The following LSAMP variants were observed in gnomAD, a reference collection of about 807,000 sequenced individuals.
LSAMP encodes limbic system associated membrane protein.
Under a neutral mutation model 38.6 loss-of-function variants are expected in LSAMP, and 7 were observed. The observed-to-expected ratio is 0.18, with a 90% CI of 0.10 to 0.34. The LOEUF is 0.34. Among genes scored for constraint, LSAMP ranks in the 10% least tolerant of loss-of-function variants. The pLI is 1.00. For missense variants in LSAMP, 313 were observed against 420.0 expected (o/e 0.75, Z 2.23); for synonymous variants, 154 against 166.8 (o/e 0.92, Z 0.59).
At chr3:116,053,281 C>A (rs1941429559) in intron 2 of LSAMP, among the ~76,000 whole-genome samples, 1 of 152,176 alleles carries the variant, frequency 6.6e-6, no homozygotes, top group South Asian at 2.1e-4. Context: ...TCAATTAAAT[C>A]ATGGTTATTG....
At chr3:116,322,417 T>A (rs552680359) in intron 1 of LSAMP, among the ~76,000 whole-genome samples, 1 of 152,326 alleles carries the variant, frequency 6.6e-6, no homozygotes, top group East Asian at 1.9e-4. Flanking sequence ...AAACATTTTT[T>A]AAAAATAGAT....
intron 1 of LSAMP, among the ~76,000 whole-genome samples, chr3:116,270,214 AC>A (rs1202103800): frequency 1.3e-5 from 2 of 152,132 alleles, no homozygotes; most frequent in Non-Finnish European, 2.9e-5. Context: ...GTCACCGCAG[AC>A]CCTTTTAGTC....
At chr3:116,026,011 C>G (rs1940783142) in intron 2 of LSAMP, among the ~76,000 whole-genome samples, 1 of 152,108 alleles carries the variant, frequency 6.6e-6, no homozygotes, top group African/African-American at 2.4e-5. Flanking sequence ...CCTCAAACTC[C>G]TGGGCTCAAG....
intron 2 of LSAMP, among the ~76,000 whole-genome samples, chr3:116,049,960 C>G (rs113654765): frequency 6.6e-6 from 1 of 152,126 alleles, no homozygotes; most frequent in Non-Finnish European, 1.5e-5. Flanking sequence ...GGGAATTATT[C>G]TTTTGCTGGA....
intron 1 of LSAMP, among the ~76,000 whole-genome samples, chr3:116,426,606 C>G (rs1477958531): frequency 6.6e-6 from 1 of 151,796 alleles, no homozygotes; most frequent in African/African-American, 2.4e-5. Flanking sequence ...TTAAATTTAC[C>G]AAGTGTAAAG....
intron 3 of LSAMP, among the ~76,000 whole-genome samples, chr3:116,012,195 C>T (rs1017597459): frequency 1.3e-5 from 2 of 152,212 alleles, no homozygotes; most frequent in African/African-American, 4.8e-5. Context: ...CTGCTCATTT[C>T]AACAACTCCA....
intron 2 of LSAMP, among the ~76,000 whole-genome samples, chr3:116,052,370 G>C (rs60614367): frequency 6.6e-6 from 1 of 152,252 alleles, no homozygotes; most frequent in East Asian, 1.9e-4. Flanking sequence ...CAGAAGAAAC[G>C]TTGTATGTGT....
chr3:116,431,579 G>C (rs2049281699), intron 1 of LSAMP, among the ~76,000 whole-genome samples: 1 of 152,022 alleles, frequency 6.6e-6, no homozygotes, highest in Admixed American at 6.6e-5. Context: ...AATAGTGTTT[G>C]TATAATTATG....
At chr3:116,005,045 G>A (rs1006402855) in intron 3 of LSAMP, among the ~76,000 whole-genome samples, 3 of 152,178 alleles carry the variant, frequency 2.0e-5, no homozygotes, top group African/African-American at 7.2e-5. Context: ...AGTAGCAGTA[G>A]TAGTAGTAGT....
intron 3 of LSAMP, among the ~76,000 whole-genome samples, chr3:115,953,701 C>T (rs892388332): frequency 1.3e-5 from 2 of 152,162 alleles, no homozygotes; most frequent in African/African-American, 4.8e-5. Context: ...TTGCAAAATT[C>T]CTCTGCTACA....
chr3:116,187,998 G>T (rs1299296407), intron 1 of LSAMP, among the ~76,000 whole-genome samples: 1 of 151,920 alleles, frequency 6.6e-6, no homozygotes, highest in Non-Finnish European at 1.5e-5. Flanking sequence ...CTGTGTGTCC[G>T]TGTGTTTTCA....
chr3:116,416,242 G>A (rs1178146372), intron 1 of LSAMP, among the ~76,000 whole-genome samples: 2 of 152,136 alleles, frequency 1.3e-5, no homozygotes, highest in East Asian at 3.9e-4. Context: ...CTCTCTCCAA[G>A]ACATGTGTTG....
intron 1 of LSAMP, among the ~76,000 whole-genome samples, chr3:116,212,362 G>C (rs548327705): frequency 2.3e-4 from 35 of 152,244 alleles, no homozygotes; most frequent in African/African-American, 8.2e-4. Context: ...CAATATCATA[G>C]TGTTTCCTGA....
At position 115,810,162 on chromosome 3, in the gene LSAMP, TTTC is replaced by T. The variant is rs1933770048; in HGVS notation, c.*152_*154del. 1 of 593,694 alleles carries T rather than the reference TTTC, an allele frequency of 1.7e-6. No homozygotes were observed. Among genetic ancestry groups the T allele is most frequent in the Non-Finnish European group, 3.0e-6 (1 of 335,404 alleles). The allele number at this position is 593,694 out of a possible 1,614,324, so 36.8% of individuals were successfully genotyped here. A position where few individuals can be genotyped will look rare whatever the true frequency, so the allele number is the denominator to read the frequency against. On this transcript the variant is annotated 3_prime_UTR_variant, in exon 7 of 7. Coordinates refer to ENST00000490035, the MANE Select transcript of LSAMP (RefSeq NM_002338.5). ...TTAAATGTTGTATTTTCTTCTTCAC[TTTC>T]TTATTTCCCCCTTCATGTATAAACA...
chr3:115,943,104 G>A lies in LSAMP; in HGVS notation c.514+76411C>T, dbSNP rs78285427. Among the ~76,000 whole-genome samples, 738 of 152,200 alleles carry A rather than the reference G, an allele frequency of 4.8e-3. 8 individuals carry two copies. The highest frequency in any genetic ancestry group is 0.029 in the East Asian group (151 of 5,180). The stretch of plus-strand genomic sequence containing the variant: ...TAAAAGATGAGCATTTATGAGGGGG[G>A]CACATTTCAGTAACAAAGAAAACTA... On this transcript the variant is annotated intron_variant, in intron 3 of 6. Transcript: ENST00000490035.
chr3:116,062,643 G>A (rs556034032), intron 2 of LSAMP, among the ~76,000 whole-genome samples: 61 of 152,218 alleles, frequency 4.0e-4, no homozygotes, highest in African/African-American at 1.4e-3. Context: ...TTATGTAACA[G>A]TCTTCTGCGA....
At chr3:116,413,978 T>G (rs996635284) in intron 1 of LSAMP, among the ~76,000 whole-genome samples, 1 of 151,490 alleles carries the variant, frequency 6.6e-6, no homozygotes, top group African/African-American at 2.4e-5. Flanking sequence ...CCCTAATGCA[T>G]GTCTCTAATA....
chr3:116,411,354 T>C (rs999168316), intron 1 of LSAMP, among the ~76,000 whole-genome samples: 9 of 151,022 alleles, frequency 6.0e-5, no homozygotes, highest in African/African-American at 2.2e-4. Context: ...CTATCCACAA[T>C]AGCAAAGACT....
At position 116,412,066 on chromosome 3, in the gene LSAMP, G is replaced by A. The variant is rs138375794; in HGVS notation, c.155+32811C>T. 1.5e-3 allele frequency among the ~76,000 whole-genome samples: 226 copies of A among 152,124 alleles called. 2 individuals carry two copies. The highest frequency in any genetic ancestry group is 5.0e-3 in the African/African-American group (209 of 41,522). On this transcript the variant is annotated intron_variant, in intron 1 of 6. Coordinates refer to ENST00000490035, the MANE Select transcript of LSAMP (RefSeq NM_002338.5). ...AAACTGTTCTTATTAAATACCTGTG[G>A]TAGTCCATTATATCAAGAGAAAGCG...
Sources: allele counts gnomAD v4.1 joint callset (sites outside exome capture counted in the v4.1 genomes callset), GRCh38; gene constraint gnomAD v4.1.1; transcripts MANE v1.5; gene names NCBI Gene and HGNC (gene_info 2026-07-23, HGNC 2026-07-21).